Variants in CEP135 observed in about 807,000 individuals in gnomAD.
The protein encoded by CEP135 is centrosomal protein 135, also known as centrosomal protein of 135 kDa.
Under a neutral mutation model 157.3 loss-of-function variants are expected in CEP135, and 142 were observed. That is an observed-to-expected ratio of 0.90 (90% CI 0.79 to 1.04). The LOEUF is 1.04. Among genes scored for constraint, CEP135 ranks in the 50% least tolerant of loss-of-function variants. The pLI is 0.00. For synonymous variants in CEP135, 396 were observed against 439.8 expected (o/e 0.90, Z 1.25); for missense variants, 1,317 against 1,309.2 (o/e 1.01, Z -0.09).
In CEP135 at chr4:55,949,043, G is replaced by A; in HGVS notation, c.-62G>A. ...CAATGCGGCTGGAGGCGGAGGCAAC[G>A]GCGGCTGGAGCTGCCGGTGAGTCCG... On this transcript the variant is annotated 5_prime_UTR_variant, in exon 1 of 26. Coordinates refer to ENST00000257287, the MANE Select transcript of CEP135 (RefSeq NM_025009.5). 6.5e-6 allele frequency: 1 copy of A among 153,672 alleles called. No individual in the cohort carries two copies. The highest frequency in any genetic ancestry group is 1.4e-5 in the Non-Finnish European group (1 of 69,168). 9.5% of individuals were successfully genotyped at this position (153,672 alleles called of 1,614,324 possible). A position where few individuals can be genotyped will look rare whatever the true frequency, so the allele number is the denominator to read the frequency against.
At chr4:56,009,068 TA>T (rs1043453097) in intron 18 of CEP135, among the ~76,000 whole-genome samples, 4 of 151,904 alleles carry the variant, frequency 2.6e-5, no homozygotes, top group African/African-American at 7.3e-5. Flanking sequence ...TCAGCTAATT[TA>T]AAAAAAAATT....
At chr4:55,949,366 A>G (rs1430439183) in intron 1 of CEP135, among the ~76,000 whole-genome samples, 2 of 152,144 alleles carry the variant, frequency 1.3e-5, no homozygotes, top group African/African-American at 4.8e-5. Flanking sequence ...CTTGCTGTTG[A>G]CCAATGGATA....
At chr4:55,989,746 A>C (rs1729722085) in intron 14 of CEP135, among the ~76,000 whole-genome samples, 1 of 152,264 alleles carries the variant, frequency 6.6e-6, no homozygotes, top group Admixed American at 6.5e-5. Context: ...AATGTAAATT[A>C]AAACAGTAAA....
chr4:55,958,243 T>C (rs897753737), intron 5 of CEP135, among the ~76,000 whole-genome samples: 7 of 152,196 alleles, frequency 4.6e-5, no homozygotes, highest in Non-Finnish European at 2.9e-5. Flanking sequence ...AAGACCAGCC[T>C]GGTCAATATA....
chr4:56,001,456 G>C (rs1730168187), intron 17 of CEP135, among the ~76,000 whole-genome samples: 1 of 152,246 alleles, frequency 6.6e-6, no homozygotes. Flanking sequence ...TAGTGGGCCA[G>C]TTTCATTATT....
intron 21 of CEP135, among the ~76,000 whole-genome samples, chr4:56,015,051 GA>G (rs891916564): frequency 1.3e-5 from 2 of 150,038 alleles, no homozygotes; most frequent in South Asian, 2.1e-4. Flanking sequence ...CAAAAAAAAG[GA>G]AAAAAAAATA....
chr4:56,002,268 TC>T (rs1180609787), intron 17 of CEP135, among the ~76,000 whole-genome samples: 3 of 151,956 alleles, frequency 2.0e-5, no homozygotes, highest in Non-Finnish European at 4.4e-5. Context: ...GGCCAGGACT[TC>T]CAGGATTATG....
chr4:55,953,275 G>A lies in CEP135; in HGVS notation c.304G>A (p.Glu102Lys), dbSNP rs759328636. The change falls in exon 3 of 26, where the codon GAG becomes AAG. Residue 102 changes from glutamate (E) to lysine (K), a missense_variant and splice_region_variant. Glu to Lys is a moderately conservative substitution (Grantham distance 56, BLOSUM62 1). Coordinates refer to ENST00000257287, the MANE Select transcript of CEP135 (RefSeq NM_025009.5). ...LREHSDQHVK[E>K]LKTSLKKCAR... ...AGAACATTCAGACCAACACGTTAAA[G>A]GTAAGTGAAAATTTGATAATTTTTA... 1.4e-5 allele frequency: 21 copies of A among 1,495,466 alleles called. 1 individual carries two copies. In the Middle Eastern group the frequency reaches 6.3e-4, roughly 45 times the overall value. 92.6% of individuals were successfully genotyped at this position (1,495,466 alleles called of 1,614,324 possible). A position where few individuals can be genotyped will look rare whatever the true frequency, so the allele number is the denominator to read the frequency against.
intron 13 of CEP135, among the ~76,000 whole-genome samples, chr4:55,982,977 A>G (rs1406123404): frequency 6.6e-6 from 1 of 152,194 alleles, no homozygotes; most frequent in Non-Finnish European, 1.5e-5. Context: ...TATTGAATTA[A>G]TGCTTTGAAA....
chr4:55,999,488 T>C lies in CEP135; in HGVS notation c.2126-3T>C. 1 of 1,612,314 alleles carries C rather than the reference T, an allele frequency of 6.2e-7. No homozygotes were observed. The highest frequency in any genetic ancestry group is 8.5e-7 in the Non-Finnish European group (1 of 1,179,540). The stretch of plus-strand genomic sequence containing the variant: ...TCTAACAAACATTTCTTTTCATTTG[T>C]AGATGAACTAAACCTTAAGATGACT... On this transcript the variant is annotated splice_polypyrimidine_tract_variant and splice_region_variant and intron_variant, in intron 16 of 25. Transcript: ENST00000257287.
chr4:55,957,185 GTTTC>G, intron 4 of CEP135, 34 bp from the exon 5 acceptor site: 1 of 1,603,634 alleles, frequency 6.2e-7, no homozygotes. Context: ...ACATGGTTTT[GTTTC>G]TTCTTAGTTT....
intron 5 of CEP135, among the ~76,000 whole-genome samples, chr4:55,958,439 T>C (rs1271409541): frequency 1.3e-5 from 2 of 152,180 alleles, no homozygotes; most frequent in African/African-American, 4.8e-5. Context: ...TTTGAGCTAC[T>C]GATTAGGATC....
chr4:56,002,940 G>A (rs1209791793), intron 17 of CEP135, among the ~76,000 whole-genome samples: 1 of 152,052 alleles, frequency 6.6e-6, no homozygotes, highest in African/African-American at 2.4e-5. Flanking sequence ...ATTTCTTCAT[G>A]GTTCAAACTT....
At chr4:55,963,913 A>G (rs1369920944) in intron 6 of CEP135, among the ~76,000 whole-genome samples, 4 of 152,180 alleles carry the variant, frequency 2.6e-5, no homozygotes, top group Non-Finnish European at 5.9e-5. Flanking sequence ...TCTACCAGGA[A>G]CTGAAGTAGT....
Position 56,012,027 on chromosome 4 carries a change from A to G in CEP135, c.2802+42A>G, listed in dbSNP as rs11724411. The G allele has an allele frequency of 0.25, 279,130 of 1,137,168 alleles. 35,759 individuals carry two copies. The highest frequency in any genetic ancestry group is 0.27 in the Non-Finnish European group (225,408 of 843,258). The allele number at this position is 1,137,168 out of a possible 1,614,324, so 70.4% of individuals were successfully genotyped here. A position where few individuals can be genotyped will look rare whatever the true frequency, so the allele number is the denominator to read the frequency against. The stretch of plus-strand genomic sequence containing the variant: ...TTTTGTAAAGATGTTATTTAGTGAA[A>G]CAGAAAACATTCAAAGATACTTTAT... On this transcript the variant is annotated intron_variant, in intron 21 of 25. Coordinates refer to ENST00000257287, the MANE Select transcript of CEP135 (RefSeq NM_025009.5).
At chr4:55,957,401 G>A in intron 5 of CEP135, 37 bp downstream of exon 5, 2 of 1,592,684 alleles carry the variant, frequency 1.3e-6, no homozygotes, top group Non-Finnish European at 1.7e-6. Context: ...TGAGTTAATT[G>A]AGCACTCAAT....
At chr4:55,974,617 A>T in intron 10 of CEP135, 129 bp from the exon 11 acceptor site, 1 of 660,490 alleles carries the variant, frequency 1.5e-6, no homozygotes, top group Non-Finnish European at 2.5e-6. Flanking sequence ...TTTGGTACCT[A>T]CAGGTGTTAT....
chr4:56,003,401 G>A (rs1730245600), intron 17 of CEP135, among the ~76,000 whole-genome samples: 1 of 152,028 alleles, frequency 6.6e-6, no homozygotes. Context: ...GTAGAGATGG[G>A]GTTTCACCAT....
Position 55,959,728 on chromosome 4 carries a change from G to A in CEP135, c.661G>A (p.Ala221Thr), listed in dbSNP as rs1444080995. 1 of 1,614,058 alleles carries A rather than the reference G, an allele frequency of 6.2e-7. No homozygotes were observed. The highest frequency in any genetic ancestry group is 8.5e-7 in the Non-Finnish European group (1 of 1,179,952). ...QEVHQLQEKLAMMESGVRDYS... is the reference protein window; with the variant it reads ...QEVHQLQEKLTMMESGVRDYS... The stretch of plus-strand genomic sequence containing the variant: ...AGTCCACCAGCTACAAGAAAAGTTA[G>A]CAATGATGGAAAGTGGGGTGAGAGA... Residue 221 changes from alanine to threonine, a missense_variant, in exon 6 of 26, where the codon GCA becomes ACA. Physicochemically the swap from Ala to Thr is moderately conservative, Grantham distance 58 (BLOSUM62 0). Transcript: ENST00000257287.
Sources: gnomAD v4.1 joint callset for allele counts (sites outside exome capture counted in the v4.1 genomes callset) on GRCh38, gnomAD v4.1.1 for gene constraint, MANE v1.5 for transcripts, NCBI Gene and HGNC (gene_info 2026-07-23, HGNC 2026-07-21) for gene names.